The following GLIS3 variants were observed in gnomAD, a reference collection of about 807,000 sequenced individuals.
GLIS3 encodes the protein GLIS family zinc finger 3.
In GLIS3, 53 loss-of-function variants were observed where a neutral mutation model predicts 78.6. The ratio of observed to expected loss-of-function variants is 0.67; its 90% CI spans 0.54 to 0.85. The LOEUF (loss-of-function observed/expected upper bound fraction) is 0.85. GLIS3 is among the 40% of genes least tolerant of loss of function. The pLI is 0.00. For missense variants in GLIS3, 1,703 were observed against 1,231.1 expected, an observed-to-expected ratio of 1.38 and a Z score of -5.74; for synonymous variants, 684 against 509.9, an observed-to-expected ratio of 1.34 and a Z score of -4.60.
At chr9:4,418,989 T>C in the GLIS3 span, among the ~76,000 whole-genome samples, 26 of 152,330 alleles carry the variant, frequency 1.7e-4, no homozygotes, top group Non-Finnish European at 2.9e-4. Context: ...GGAAACCGAA[T>C]TGCTGAATCT....
At chr9:4,085,361 T>C (rs1462964101) in intron 4 of GLIS3, among the ~76,000 whole-genome samples, 1 of 152,154 alleles carries the variant, frequency 6.6e-6, no homozygotes, top group East Asian at 1.9e-4. Context: ...ATGCTTTGTT[T>C]CTCTCCAGAT....
chr9:4,279,366 A>C (rs1208920479), intron 2 of GLIS3, among the ~76,000 whole-genome samples: 4 of 131,100 alleles, frequency 3.1e-5, no homozygotes, highest in Non-Finnish European at 5.0e-5. Context: ...CACACACATA[A>C]TACATATTAT....
At position 4,022,696 on chromosome 9, in the gene GLIS3, A is replaced by C. The variant is rs117287423; in HGVS notation, c.1711-85507T>G. On this transcript the variant is annotated intron_variant, in intron 4 of 10. Transcript: ENST00000381971. ...GTCCCACAGGGAAGTGGATAAACAA[A>C]ATACAGTATGCATCCACCCAGTGAA... Among the ~76,000 whole-genome samples the C allele has an allele frequency of 6.0e-3, 919 of 152,306 alleles. 14 individuals carry two copies. The highest frequency in any genetic ancestry group is 0.036 in the East Asian group (189 of 5,190).
the GLIS3 span, among the ~76,000 whole-genome samples, chr9:4,464,792 A>C: frequency 9.9e-5 from 15 of 152,222 alleles, no homozygotes; most frequent in Non-Finnish European, 2.2e-4. Context: ...AAGAAGAAAA[A>C]AATTGTAAAG....
Position 3,879,317 on chromosome 9 carries a change from C to G in GLIS3, c.2297+110G>C, listed in dbSNP as rs372535589. The G allele has an allele frequency of 6.4e-5, 68 of 1,061,878 alleles. No homozygotes were observed. The East Asian group carries it at 1.5e-3, about 24-fold the overall frequency. The allele number at this position is 1,061,878 out of a possible 1,614,324, so 65.8% of individuals were successfully genotyped here. Reference sequence around the variant, plus strand: ...CTTTTAAAATGTCACCTTTGGGTAACTCAACCCACCAACGGATTATTAATA... The same window carrying G: ...CTTTTAAAATGTCACCTTTGGGTAAGTCAACCCACCAACGGATTATTAATA... On this transcript the variant is annotated intron_variant, in intron 8 of 10. Coordinates refer to ENST00000381971, the MANE Select transcript of GLIS3 (RefSeq NM_001042413.2).
rs1564149547 is a variant in GLIS3, at chr9:4,173,406, G to A, written c.389-47465C>T. Among the ~76,000 whole-genome samples the A allele has an allele frequency of 9.9e-5, 15 of 152,048 alleles. No individual in the cohort carries two copies. The South Asian group carries it at 3.1e-3, about 32-fold the overall frequency. ...CTAACTCTTCCTATTTATTAACCGTGCCACGTGTGTCTTCTTATCATCTTG... is the reference window on the plus strand; with the variant it reads ...CTAACTCTTCCTATTTATTAACCGTACCACGTGTGTCTTCTTATCATCTTG... On this transcript the variant is annotated intron_variant, in intron 2 of 10. Transcript: ENST00000381971.
chr9:4,079,744 G>GA (rs557862210), intron 4 of GLIS3, among the ~76,000 whole-genome samples: 1,910 of 122,984 alleles, frequency 0.016, 24 homozygotes, highest in Middle Eastern at 0.058. Context: ...AGATGGATGT[G>GA]AAAAAAAAAA....
In GLIS3 at chr9:3,828,158, C is replaced by T. The variant is rs1817825560; in HGVS notation, c.*114G>A. 1 of 1,231,858 alleles carries T rather than the reference C, an allele frequency of 8.1e-7. No homozygotes were observed. The highest frequency in any genetic ancestry group is 1.2e-6 in the Non-Finnish European group (1 of 845,018). The allele number at this position is 1,231,858 out of a possible 1,614,324, so 76.3% of individuals were successfully genotyped here. ...TTCTGAAAGAACATCAGTAACTCTG[C>T]AGGGCCCGCTGATTGGGCTGACATC... On this transcript the variant is annotated 3_prime_UTR_variant, in exon 11 of 11. Coordinates refer to ENST00000381971, the MANE Select transcript of GLIS3 (RefSeq NM_001042413.2).
intron 2 of GLIS3, among the ~76,000 whole-genome samples, chr9:4,331,084 T>A (rs558448921): frequency 6.6e-6 from 1 of 152,022 alleles, no homozygotes; most frequent in Non-Finnish European, 1.5e-5. Flanking sequence ...TAGCATAAAC[T>A]GCATGATTTA....
intron 6 of GLIS3, among the ~76,000 whole-genome samples, chr9:3,920,131 G>T (rs1179230181): frequency 6.6e-6 from 1 of 151,144 alleles, no homozygotes; most frequent in Non-Finnish European, 1.5e-5. Context: ...AGCCTCCTGA[G>T]TAGCTGGGAC....
intron 4 of GLIS3, among the ~76,000 whole-genome samples, chr9:3,979,105 T>C (rs1318100353): frequency 6.6e-6 from 1 of 152,156 alleles, no homozygotes; most frequent in Non-Finnish European, 1.5e-5. Context: ...GGGAAAACCA[T>C]ATATTATATC....
the GLIS3 span, among the ~76,000 whole-genome samples, chr9:4,373,966 G>A: frequency 5.6e-3 from 846 of 152,082 alleles, 7 homozygotes; most frequent in African/African-American, 0.02. Flanking sequence ...GCGCCTGGCC[G>A]AAAATGTAAT....
intron 7 of GLIS3, 196 bp downstream of exon 7, chr9:3,898,495 T>C: frequency 6.0e-6 from 4 of 666,878 alleles, no homozygotes; most frequent in Non-Finnish European, 1.1e-5. Context: ...TTTATTTTAT[T>C]TCTTTATGAG....
the GLIS3 span, among the ~76,000 whole-genome samples, chr9:4,465,000 T>A: frequency 6.6e-6 from 1 of 152,236 alleles, no homozygotes; most frequent in Non-Finnish European, 1.5e-5. Flanking sequence ...TATAAATGGA[T>A]GTGGCCAAGG....
chr9:4,343,897 C>T (rs1472415389), intron 2 of GLIS3, among the ~76,000 whole-genome samples: 4 of 152,048 alleles, frequency 2.6e-5, no homozygotes, highest in South Asian at 4.2e-4. Flanking sequence ...GGAAACAATA[C>T]ACACAAGGGG....
chr9:4,213,084 T>C (rs368233134), intron 2 of GLIS3, among the ~76,000 whole-genome samples: 22 of 152,214 alleles, frequency 1.4e-4, no homozygotes, highest in African/African-American at 5.1e-4. Context: ...GGCTTGCTCC[T>C]ACGTGCCATC....
intron 2 of GLIS3, among the ~76,000 whole-genome samples, chr9:4,186,440 A>G (rs1310770618): frequency 6.6e-6 from 1 of 151,926 alleles, no homozygotes; most frequent in East Asian, 1.9e-4. Flanking sequence ...GCTGTTGTGA[A>G]TAGTGCCACA....
At chr9:3,928,038 A>T (rs1204069075) in intron 6 of GLIS3, among the ~76,000 whole-genome samples, 2 of 152,180 alleles carry the variant, frequency 1.3e-5, no homozygotes, top group Non-Finnish European at 2.9e-5. Context: ...CATCATTTTG[A>T]GGTGTGAGGT....
chr9:4,444,114 G>A, the GLIS3 span, among the ~76,000 whole-genome samples: 1 of 152,186 alleles, frequency 6.6e-6, no homozygotes. Context: ...TCATAGAAAT[G>A]ATGACCAGGA....
Sources: gnomAD v4.1 joint callset for allele counts (sites outside exome capture counted in the v4.1 genomes callset) on GRCh38, gnomAD v4.1.1 for gene constraint, MANE v1.5 for transcripts, NCBI Gene and HGNC (gene_info 2026-07-23, HGNC 2026-07-21) for gene names.